DAB1: variants seen among roughly 807,000 people sequenced by gnomAD.
The protein encoded by DAB1 is DAB adaptor protein 1.
A neutral mutation model predicts 64.6 loss-of-function variants in DAB1; 15 were observed. The ratio of observed to expected loss-of-function variants is 0.23; its 90% CI spans 0.16 to 0.36. The LOEUF is 0.36. Ranked by LOEUF, DAB1 falls within the 10% of genes least tolerant of loss-of-function variation. The probability of loss-of-function intolerance (pLI) is 1.00; values close to 1 mark genes in which losing one functional copy is unlikely to be tolerated. For missense variants in DAB1, 596 were observed against 706.7 expected, an observed-to-expected ratio of 0.84 and a Z score of 1.78; for synonymous variants, 235 against 251.9, an observed-to-expected ratio of 0.93 and a Z score of 0.64.
intron 2 of DAB1, among the ~76,000 whole-genome samples, chr1:57,281,084 C>T (rs1671848915): frequency 6.6e-6 from 1 of 152,144 alleles, no homozygotes; most frequent in Admixed American, 6.6e-5. Context: ...TCATTTACTC[C>T]CTTATTCATT....
rs114134454 is a variant in DAB1 at position 58,196,495 on chromosome 1, C to T, written n.310-45907G>A. On this transcript the variant is annotated intron_variant and non_coding_transcript_variant, in intron 4 of 20. Transcript: ENST00000485760. ...GCTAGGGGACAGGTTATCTTGGAGA[C>T]TACTACAGTATTCCAGGTATATTAA... Among the ~76,000 whole-genome samples the T allele has an allele frequency of 3.6e-3, 545 of 152,282 alleles. 4 individuals are homozygous for T. Among genetic ancestry groups the T allele is most frequent in the African/African-American group, 0.012 (511 of 41,564 alleles).
At chr1:58,108,198 C>G (rs1254827680) in intron 5 of DAB1, among the ~76,000 whole-genome samples, 2 of 152,154 alleles carry the variant, frequency 1.3e-5, no homozygotes, top group Non-Finnish European at 2.9e-5. Flanking sequence ...ATTCTCACTA[C>G]TCTTTTGAGA....
intron 5 of DAB1, among the ~76,000 whole-genome samples, chr1:57,897,219 C>T (rs890273078): frequency 1.3e-5 from 2 of 152,200 alleles, no homozygotes; most frequent in African/African-American, 4.8e-5. Flanking sequence ...TTTTCACCTT[C>T]AGAAAGGTTA....
Position 57,015,017 on chromosome 1 carries a change from G to A in DAB1, c.1310C>T (p.Thr437Ile), listed in dbSNP as rs1646379619. The A allele has an allele frequency of 6.2e-7, 1 of 1,614,190 alleles. No individual in the cohort carries two copies. Among genetic ancestry groups the A allele is most frequent in the Non-Finnish European group, 8.5e-7 (1 of 1,180,038 alleles). ...ACTGGAGAAGGCCTCTGAGGTACAG[G>A]TGAGGGAGGGCTGGTCGGGTTTGCG... ...PSRKPDQPSL[T>I]CTSEAFSSYF... Residue 437 changes from threonine (T) to isoleucine (I), a missense_variant, in exon 12 of 15, where the codon ACC (threonine) becomes ATC (isoleucine). This residue lies in a region of DAB1 where 377 missense variants were observed against 400.4 expected (regional missense o/e 0.94). Transcript: ENST00000371236.
At chr1:57,393,802 T>C (rs1240983952) in intron 1 of DAB1, among the ~76,000 whole-genome samples, 1 of 152,212 alleles carries the variant, frequency 6.6e-6, no homozygotes, top group African/African-American at 2.4e-5. Flanking sequence ...ACTTTTGAGC[T>C]ACAACAGCTG....
At chr1:57,669,964 A>G (rs1262425071) in intron 6 of DAB1, among the ~76,000 whole-genome samples, 2 of 152,152 alleles carry the variant, frequency 1.3e-5, no homozygotes, top group African/African-American at 4.8e-5. Flanking sequence ...AAAACAAAAA[A>G]TTTCTTCTCA....
At chr1:57,153,575 G>GT (rs918918680) in intron 2 of DAB1, among the ~76,000 whole-genome samples, 10 of 151,794 alleles carry the variant, frequency 6.6e-5, no homozygotes. Flanking sequence ...ATCCATTTTG[G>GT]TTTTTTTATT....
intron 7 of DAB1, among the ~76,000 whole-genome samples, chr1:57,436,670 A>G (rs1444692872): frequency 6.6e-6 from 1 of 152,222 alleles, no homozygotes; most frequent in Non-Finnish European, 1.5e-5. Flanking sequence ...ACCAAGATGG[A>G]TGCACCCTCT....
At chr1:57,187,334 T>C (rs765451287) in intron 2 of DAB1, among the ~76,000 whole-genome samples, 6 of 152,202 alleles carry the variant, frequency 3.9e-5, no homozygotes, top group Admixed American at 1.3e-4. Flanking sequence ...CAACATTCCT[T>C]ATTATGTAGA....
chr1:57,186,752 A>G (rs1213333214), intron 2 of DAB1, among the ~76,000 whole-genome samples: 1 of 152,220 alleles, frequency 6.6e-6, no homozygotes, highest in African/African-American at 2.4e-5. Context: ...GCAAAGTTTC[A>G]TTAGCAGAAT....
At chr1:58,135,155 C>G (rs993429110) in intron 5 of DAB1, among the ~76,000 whole-genome samples, 5 of 152,196 alleles carry the variant, frequency 3.3e-5, no homozygotes, top group Non-Finnish European at 5.9e-5. Context: ...GGATGTGAGA[C>G]AGCTCTGAAA....
intron 7 of DAB1, among the ~76,000 whole-genome samples, chr1:57,586,116 GA>G (rs1204127492): frequency 2.6e-5 from 4 of 152,096 alleles, no homozygotes; most frequent in African/African-American, 4.8e-5. Flanking sequence ...TCTAGTGGGG[GA>G]AAAAAAGCAA....
intron 4 of DAB1, among the ~76,000 whole-genome samples, chr1:58,166,036 G>A (rs1655813471): frequency 6.6e-6 from 1 of 152,208 alleles, no homozygotes; most frequent in Non-Finnish European, 1.5e-5. Flanking sequence ...TTCAGCTTCA[G>A]GGCCTGGATT....
chr1:57,907,256 C>CA (rs1644567503), intron 5 of DAB1, among the ~76,000 whole-genome samples: 2 of 152,178 alleles, frequency 1.3e-5, no homozygotes, highest in African/African-American at 4.8e-5. Context: ...GGTGCACCTA[C>CA]AGAGGAGGCT....
At chr1:57,571,984 G>A (rs1004284543) in intron 7 of DAB1, among the ~76,000 whole-genome samples, 1 of 152,172 alleles carries the variant, frequency 6.6e-6, no homozygotes, top group Non-Finnish European at 1.5e-5. Context: ...AATTTTAAGT[G>A]CTAAAGGAAT....
chr1:57,945,099 AAGTT>A (rs1645164684), intron 5 of DAB1, among the ~76,000 whole-genome samples: 1 of 152,178 alleles, frequency 6.6e-6, no homozygotes. Context: ...CAACTCTGGA[AAGTT>A]AGTTATACAA....
chr1:58,473,545 A>AAAT (rs1645386518), intron 3 of DAB1, among the ~76,000 whole-genome samples: 13 of 122,636 alleles, frequency 1.1e-4, no homozygotes, highest in East Asian at 8.8e-4. Context: ...CCGTCTCAAA[A>AAAT]AAATAAATAA....
intron 1 of DAB1, among the ~76,000 whole-genome samples, chr1:57,345,039 C>T (rs1277142472): frequency 3.9e-5 from 6 of 152,176 alleles, no homozygotes; most frequent in Non-Finnish European, 8.8e-5. Flanking sequence ...TATCTGGATG[C>T]TCCTGGACCA....
intron 7 of DAB1, among the ~76,000 whole-genome samples, chr1:57,643,084 G>A (rs1490072464): frequency 6.6e-6 from 1 of 152,200 alleles, no homozygotes; most frequent in Non-Finnish European, 1.5e-5. Flanking sequence ...GGAGCAGAGT[G>A]AGGCTTGGTC....
Sources: gnomAD v4.1 joint callset for allele counts (sites outside exome capture counted in the v4.1 genomes callset) on GRCh38, gnomAD v4.1.1 for gene constraint, gnomAD v4.1.1 regional missense constraint, MANE v1.5 for transcripts, NCBI Gene and HGNC (gene_info 2026-07-23, HGNC 2026-07-21) for gene names.